BNC2: variants seen among roughly 807,000 people sequenced by gnomAD.
BNC2 encodes the protein zinc finger protein basonuclin-2.
In BNC2, 20 loss-of-function variants were observed where a neutral mutation model predicts 76.3. The observed-to-expected ratio is 0.26, with a 90% CI of 0.18 to 0.38. BNC2 has a LOEUF of 0.38. Ranked by LOEUF, BNC2 falls within the 10% of genes least tolerant of loss-of-function variation. The pLI, the probability that BNC2 is intolerant of heterozygous loss-of-function variation, is 1.00. For synonymous variants in BNC2, 582 were observed against 514.8 expected, an observed-to-expected ratio of 1.13 and a Z score of -1.77; for missense variants, 1,382 against 1,399.8, an observed-to-expected ratio of 0.99 and a Z score of 0.20.
At chr9:16,725,266 T>G (rs1436654237) in intron 3 of BNC2, among the ~76,000 whole-genome samples, 1 of 150,104 alleles carries the variant, frequency 6.7e-6, no homozygotes, top group Non-Finnish European at 1.5e-5. Flanking sequence ...GAATCAGCAT[T>G]GCTGATGAAC....
intron 5 of BNC2, among the ~76,000 whole-genome samples, chr9:16,510,878 C>T (rs939294632): frequency 2.6e-5 from 4 of 152,054 alleles, no homozygotes; most frequent in African/African-American, 4.8e-5. Flanking sequence ...GTAATGATTG[C>T]GAGATTTTAC....
At chr9:16,626,337 T>C (rs1244064181) in intron 3 of BNC2, 2 of 152,280 alleles carry the variant, frequency 1.3e-5, no homozygotes, top group South Asian at 2.1e-4. Context: ...GAGTTTTTCA[T>C]TAAAAATATT....
At chr9:16,832,504 C>T (rs148068273) in intron 1 of BNC2, among the ~76,000 whole-genome samples, 231 of 152,310 alleles carry the variant, frequency 1.5e-3, no homozygotes, top group Admixed American at 2.4e-3. Flanking sequence ...ACCTCCACCC[C>T]ACTCGTGTCC....
intron 1 of BNC2, among the ~76,000 whole-genome samples, chr9:16,820,106 C>CA (rs1818283867): frequency 9.7e-6 from 1 of 102,902 alleles, no homozygotes; most frequent in African/African-American, 4.0e-5. Flanking sequence ...GCCTGGGCAA[C>CA]AGAGTGAGAC....
chr9:16,780,202 C>G (rs1474092860), intron 1 of BNC2, among the ~76,000 whole-genome samples: 3 of 142,096 alleles, frequency 2.1e-5, no homozygotes, highest in Non-Finnish European at 3.0e-5. Flanking sequence ...CGCCACTGCA[C>G]TCCAGCCTGG....
At chr9:16,438,830 T>C (rs373298831) in intron 5 of BNC2, among the ~76,000 whole-genome samples, 4 of 152,074 alleles carry the variant, frequency 2.6e-5, no homozygotes, top group Non-Finnish European at 5.9e-5. Flanking sequence ...CACGCCATCA[T>C]GTTCCGCTTG....
intron 5 of BNC2, among the ~76,000 whole-genome samples, chr9:16,500,622 T>C (rs142777201): frequency 6.6e-6 from 1 of 152,328 alleles, no homozygotes; most frequent in South Asian, 2.1e-4. Context: ...ACCAATCTTC[T>C]ATATGCGCTT....
intron 1 of BNC2, among the ~76,000 whole-genome samples, chr9:16,815,235 G>C (rs1465480113): frequency 6.6e-6 from 1 of 152,166 alleles, no homozygotes; most frequent in Non-Finnish European, 1.5e-5. Flanking sequence ...ATTAAGTACA[G>C]CTGGAGTGTA....
At chr9:16,857,413 G>C (rs898561089) in intron 1 of BNC2, among the ~76,000 whole-genome samples, 1 of 150,136 alleles carries the variant, frequency 6.7e-6, no homozygotes, top group Admixed American at 6.7e-5. Flanking sequence ...GCCGGCGGAG[G>C]TTGCAGTGAG....
intron 3 of BNC2, among the ~76,000 whole-genome samples, chr9:16,716,056 T>C (rs960672752): frequency 1.1e-3 from 171 of 152,198 alleles, no homozygotes; most frequent in African/African-American, 4.1e-3. Context: ...CAACAATCTT[T>C]ACATTGGTTT....
At chr9:16,477,405 CAAATCAAGATTTTA>C (rs1821950519) in intron 5 of BNC2, among the ~76,000 whole-genome samples, 1 of 151,540 alleles carries the variant, frequency 6.6e-6, no homozygotes, top group Admixed American at 6.6e-5. Context: ...ATTTTCTTAA[CAAATCAAGATTTTA>C]AAATGTCTAA....
Position 16,738,461 on chromosome 9 carries a change from G to T in BNC2, c.28C>A (p.Pro10Thr), listed in dbSNP as rs1824745205. The change falls in exon 2 of 7, where the codon CCA (proline) becomes ACA (threonine). Residue 10 changes from proline to threonine, a missense_variant. Pro to Thr is a conservative substitution (Grantham distance 38, BLOSUM62 -1). This residue lies in a region of BNC2 where 557 missense variants were observed against 540.9 expected (regional missense o/e 1.03). Coordinates refer to ENST00000380672, the MANE Select transcript of BNC2 (RefSeq NM_017637.6). Reference protein sequence around the residue: MAHLGPTPPPHSLNYKSEDR... With the variant: MAHLGPTPPTHSLNYKSEDR... Reference sequence around the variant, plus strand: ...TCTGATTTGTAATTAAGGCTATGTGGAGGTGGGGTGGGCCCAAGGTGTGCC... The same window carrying T: ...TCTGATTTGTAATTAAGGCTATGTGTAGGTGGGGTGGGCCCAAGGTGTGCC... 2 of 1,614,002 alleles carry T rather than the reference G, an allele frequency of 1.2e-6. No homozygotes were observed. The highest frequency in any genetic ancestry group is 2.7e-5 in the African/African-American group (2 of 74,938).
intron 4 of BNC2, among the ~76,000 whole-genome samples, chr9:16,568,537 G>A (rs933344193): frequency 2.6e-5 from 4 of 151,984 alleles, no homozygotes; most frequent in African/African-American, 9.7e-5. Flanking sequence ...ACTTCCACAG[G>A]TTTAATGGGA....
Position 16,411,785 on chromosome 9 carries a change from T to C in BNC2, c.*7204A>G, listed in dbSNP as rs982164340. 7 of 152,494 alleles carry C rather than the reference T, an allele frequency of 4.6e-5. No individual in the cohort carries two copies. Among genetic ancestry groups the C allele is most frequent in the African/African-American group, 1.7e-4 (7 of 41,458 alleles). 9.4% of individuals were successfully genotyped at this position (152,494 alleles called of 1,614,324 possible). On this transcript the variant is annotated 3_prime_UTR_variant, in exon 7 of 7. Coordinates refer to ENST00000380672, the MANE Select transcript of BNC2 (RefSeq NM_017637.6). Reference sequence around the variant, plus strand: ...TTGCTAAAGTTCATATGGAAGATGATACCGATACCTGCACGTGTCTTACCT... The same window carrying C: ...TTGCTAAAGTTCATATGGAAGATGACACCGATACCTGCACGTGTCTTACCT...
At chr9:16,811,996 G>T (rs1240417308) in intron 1 of BNC2, among the ~76,000 whole-genome samples, 1 of 152,234 alleles carries the variant, frequency 6.6e-6, no homozygotes, top group African/African-American at 2.4e-5. Flanking sequence ...TGCTACTGCA[G>T]AAAGAGCTCT....
intron 4 of BNC2, among the ~76,000 whole-genome samples, chr9:16,565,206 A>G (rs1410584279): frequency 1.6e-4 from 25 of 152,068 alleles, no homozygotes; most frequent in Non-Finnish European, 1.0e-4. Context: ...AAAATTTCCA[A>G]TGACGTCCCC....
At chr9:16,622,261 C>T in intron 3 of BNC2, among the ~76,000 whole-genome samples, 1 of 152,006 alleles carries the variant, frequency 6.6e-6, no homozygotes, top group East Asian at 1.9e-4. Flanking sequence ...TGAAGAACAC[C>T]CAATAGGAAA....
chr9:16,515,106 G>A (rs978506117), intron 5 of BNC2, among the ~76,000 whole-genome samples: 34 of 152,182 alleles, frequency 2.2e-4, no homozygotes, highest in African/African-American at 7.2e-5. Context: ...TAGGACCACT[G>A]AACAAGTGTT....
chr9:16,639,992 T>C (rs1821445076), intron 3 of BNC2, among the ~76,000 whole-genome samples: 2 of 152,126 alleles, frequency 1.3e-5, no homozygotes, highest in South Asian at 4.1e-4. Context: ...TGAGGGATTT[T>C]TTAAGAGTGA....
Sources: gnomAD v4.1 joint callset for allele counts (sites outside exome capture counted in the v4.1 genomes callset) on GRCh38, gnomAD v4.1.1 for gene constraint, gnomAD v4.1.1 regional missense constraint, MANE v1.5 for transcripts, NCBI Gene and HGNC (gene_info 2026-07-23, HGNC 2026-07-21) for gene names.